POU6F2: variants seen among roughly 807,000 people sequenced by gnomAD.
The protein encoded by POU6F2 is POU class 6 homeobox 2.
In POU6F2, 31 loss-of-function variants were observed where a neutral mutation model predicts 71.3. The ratio of observed to expected loss-of-function variants is 0.43; its 90% CI spans 0.33 to 0.59. The LOEUF (loss-of-function observed/expected upper bound fraction) is 0.59, where lower values mean the gene tolerates loss of function less well. POU6F2 is among the 20% of genes least tolerant of loss of function. The pLI is 0.04. For missense variants in POU6F2, 783 were observed against 856.8 expected (o/e 0.91, Z 1.07); for synonymous variants, 347 against 355.7 (o/e 0.98, Z 0.27).
intron 7 of POU6F2, among the ~76,000 whole-genome samples, chr7:39,434,305 T>C (rs1161785680): frequency 3.9e-5 from 6 of 152,142 alleles, no homozygotes; most frequent in Non-Finnish European, 2.9e-5. Context: ...AGGACATTCA[T>C]AGAAGGGCTC....
chr7:39,324,855 T>C (rs943875529), intron 4 of POU6F2, among the ~76,000 whole-genome samples: 11 of 152,216 alleles, frequency 7.2e-5, no homozygotes, highest in Non-Finnish European at 4.4e-5. Context: ...GTAGAATTAA[T>C]GTAATTATTT....
intron 2 of POU6F2, among the ~76,000 whole-genome samples, chr7:39,126,702 A>G (rs1436639279): frequency 6.6e-6 from 1 of 152,202 alleles, no homozygotes; most frequent in Non-Finnish European, 1.5e-5. Context: ...CTGAAAGCTA[A>G]CACTCTCTAA....
At chr7:39,367,757 T>G (rs1367625238) in intron 5 of POU6F2, among the ~76,000 whole-genome samples, 2 of 152,196 alleles carry the variant, frequency 1.3e-5, no homozygotes. Flanking sequence ...TCGGCACCAT[T>G]TATCCAACAG....
chr7:39,279,073 G>C (rs577390375), intron 4 of POU6F2, among the ~76,000 whole-genome samples: 1 of 152,258 alleles, frequency 6.6e-6, no homozygotes, highest in South Asian at 2.1e-4. Context: ...AGTCTCTCCG[G>C]ACTGCCTGGT....
At chr7:39,044,574 T>C (rs917593239) in intron 1 of POU6F2, among the ~76,000 whole-genome samples, 1 of 152,000 alleles carries the variant, frequency 6.6e-6, no homozygotes, top group Admixed American at 6.6e-5. Flanking sequence ...TTTCAAAATA[T>C]TGCCACCTTC....
At chr7:39,008,346 T>G in intron 1 of POU6F2, among the ~76,000 whole-genome samples, 1 of 152,192 alleles carries the variant, frequency 6.6e-6, no homozygotes, top group East Asian at 1.9e-4. Context: ...TGTCTGTTCA[T>G]GTCCTTCGCC....
At chr7:38,989,271 G>A (rs367684216) in intron 1 of POU6F2, among the ~76,000 whole-genome samples, 28 of 152,118 alleles carry the variant, frequency 1.8e-4, no homozygotes, top group African/African-American at 6.3e-4. Flanking sequence ...ACAGTCAGAT[G>A]CCTTTAGACT....
chr7:39,046,613 G>A (rs192302162), intron 1 of POU6F2, among the ~76,000 whole-genome samples: 27 of 151,954 alleles, frequency 1.8e-4, no homozygotes, highest in Admixed American at 1.3e-3. Flanking sequence ...TTCTTGATAT[G>A]TTGAGCCAGA....
At chr7:39,452,872 C>T (rs1788694522) in intron 8 of POU6F2, among the ~76,000 whole-genome samples, 1 of 152,154 alleles carries the variant, frequency 6.6e-6, no homozygotes, top group African/African-American at 2.4e-5. Flanking sequence ...GCGGGCAGAT[C>T]ACCTGAGGTC....
chr7:39,332,632 C>T (rs1785678747), intron 4 of POU6F2, among the ~76,000 whole-genome samples: 1 of 152,018 alleles, frequency 6.6e-6, no homozygotes, highest in Admixed American at 6.5e-5. Flanking sequence ...CTGATTTTAG[C>T]TATATAGTTT....
chr7:39,136,119 C>A (rs1432156588), intron 2 of POU6F2, among the ~76,000 whole-genome samples: 2 of 152,176 alleles, frequency 1.3e-5, no homozygotes, highest in East Asian at 3.8e-4. Context: ...ATGTATATTG[C>A]ATTCTTGCAT....
At chr7:39,114,219 A>G (rs1428859535) in intron 2 of POU6F2, among the ~76,000 whole-genome samples, 1 of 152,206 alleles carries the variant, frequency 6.6e-6, no homozygotes, top group Non-Finnish European at 1.5e-5. Context: ...TATCATTGTT[A>G]ACAGCCATGT....
At chr7:39,099,770 T>A (rs527984278) in intron 2 of POU6F2, among the ~76,000 whole-genome samples, 1 of 152,168 alleles carries the variant, frequency 6.6e-6, no homozygotes, top group African/African-American at 2.4e-5. Context: ...CATGGTGGTG[T>A]TTAATAATGA....
chr7:39,023,256 G>A (rs149369636), intron 1 of POU6F2, among the ~76,000 whole-genome samples: 1 of 152,088 alleles, frequency 6.6e-6, no homozygotes, highest in East Asian at 1.9e-4. Flanking sequence ...TATATGTATT[G>A]TGGATATTGT....
intron 1 of POU6F2, among the ~76,000 whole-genome samples, chr7:39,006,025 G>C (rs1053906824): frequency 6.6e-6 from 1 of 152,134 alleles, no homozygotes; most frequent in Admixed American, 6.5e-5. Context: ...TAAAGAAAAG[G>C]AATGCTGTGC....
chr7:39,449,733 A>G (rs1788611591), intron 7 of POU6F2, among the ~76,000 whole-genome samples: 1 of 152,196 alleles, frequency 6.6e-6, no homozygotes, highest in Non-Finnish European at 1.5e-5. Context: ...TGAACAATAT[A>G]CCATATTCAT....
intron 4 of POU6F2, among the ~76,000 whole-genome samples, chr7:39,294,733 A>G (rs1384353910): frequency 1.3e-5 from 2 of 152,134 alleles, no homozygotes; most frequent in African/African-American, 4.8e-5. Flanking sequence ...AAGAGATGGC[A>G]GGACCTGTGC....
intron 8 of POU6F2, among the ~76,000 whole-genome samples, chr7:39,456,599 C>CTAGA (rs1788812235): frequency 6.6e-6 from 1 of 152,176 alleles, no homozygotes; most frequent in African/African-American, 2.4e-5. Context: ...TAATGTTTAT[C>CTAGA]TAGAAGTGGA....
intron 2 of POU6F2, among the ~76,000 whole-genome samples, chr7:39,119,161 G>A (rs1252414924): frequency 6.6e-6 from 1 of 152,164 alleles, no homozygotes; most frequent in Non-Finnish European, 1.5e-5. Context: ...AGCCACACAG[G>A]GGAGGCAAGG....
Sources: allele counts gnomAD v4.1 joint callset (sites outside exome capture counted in the v4.1 genomes callset), GRCh38; gene constraint gnomAD v4.1.1; transcripts MANE v1.5; gene names NCBI Gene and HGNC (gene_info 2026-07-23, HGNC 2026-07-21).